Variants in PHF24 observed in about 807,000 individuals in gnomAD.
PHF24 encodes the protein PHD finger protein 24.
A neutral mutation model predicts 42.6 loss-of-function variants in PHF24; 25 were observed. The observed-to-expected ratio is 0.59, with a 90% CI of 0.43 to 0.82. The LOEUF is 0.82. Ranked by LOEUF, PHF24 falls within the 40% of genes least tolerant of loss-of-function variation. PHF24 has a pLI of 0.00. For synonymous variants in PHF24, 185 were observed against 204.8 expected (o/e 0.90, Z 0.83); for missense variants, 470 against 538.1 (o/e 0.87, Z 1.25).
chr9:34,909,876 C>T, the PHF24 span, among the ~76,000 whole-genome samples: 4 of 152,186 alleles, frequency 2.6e-5, no homozygotes, highest in African/African-American at 9.7e-5. Context: ...ATCTGCCCGC[C>T]TTAGCCTCCC....
the PHF24 span, among the ~76,000 whole-genome samples, chr9:34,688,103 A>G: frequency 6.6e-6 from 1 of 152,120 alleles, no homozygotes; most frequent in African/African-American, 2.4e-5. Context: ...AGAGGAGAGG[A>G]AGAGGATGTC....
the PHF24 span, among the ~76,000 whole-genome samples, chr9:34,879,789 CAGG>C: frequency 2.6e-5 from 4 of 152,246 alleles, no homozygotes; most frequent in East Asian, 7.7e-4. Context: ...GGATATTATC[CAGG>C]AGAACTTCCC....
the PHF24 span, among the ~76,000 whole-genome samples, chr9:34,681,838 T>G: frequency 9.8e-5 from 15 of 152,404 alleles, no homozygotes; most frequent in African/African-American, 3.1e-4. Flanking sequence ...AAAAAAAAGG[T>G]TAAATGAGGT....
chr9:34,899,951 A>G, the PHF24 span, among the ~76,000 whole-genome samples: 1 of 152,176 alleles, frequency 6.6e-6, no homozygotes, highest in Non-Finnish European at 1.5e-5. Context: ...CAACCTCTAT[A>G]TTAAATAAGT....
At chr9:34,739,235 C>G in the PHF24 span, among the ~76,000 whole-genome samples, 2 of 152,034 alleles carry the variant, frequency 1.3e-5, no homozygotes, top group African/African-American at 4.8e-5. Context: ...TTCACGTTGA[C>G]AAAAATAATA....
the PHF24 span, among the ~76,000 whole-genome samples, chr9:34,928,031 C>T: frequency 6.6e-6 from 1 of 152,032 alleles, no homozygotes; most frequent in Admixed American, 6.6e-5. Flanking sequence ...GCCTGGCCAA[C>T]ATGGTGAAAC....
chr9:34,768,482 AT>A, the PHF24 span, among the ~76,000 whole-genome samples: 1 of 152,092 alleles, frequency 6.6e-6, no homozygotes, highest in Non-Finnish European at 1.5e-5. Flanking sequence ...ACCTTGGGCA[AT>A]TTTTTTCCCT....
chr9:34,936,155 C>T, the PHF24 span, among the ~76,000 whole-genome samples: 2 of 152,048 alleles, frequency 1.3e-5, no homozygotes, highest in Non-Finnish European at 2.9e-5. Flanking sequence ...TCTCGGCTCA[C>T]TGCAACCTCC....
At chr9:34,819,839 T>TA in the PHF24 span, among the ~76,000 whole-genome samples, 3 of 152,208 alleles carry the variant, frequency 2.0e-5, no homozygotes, top group African/African-American at 7.2e-5. Flanking sequence ...ATTGTTCAAA[T>TA]CTTCTGTAAG....
chr9:34,689,795 G>A, the PHF24 span: 553 of 1,613,920 alleles, frequency 3.4e-4, 2 homozygotes, highest in African/African-American at 6.2e-3. This position sits in a 1 kb window ranked among gnomAD's most constrained non-coding sequence, Gnocchi z 4.1. Flanking sequence ...CTCGGACTCC[G>A]GGCTCCCTCT....
chr9:34,810,348 C>T, the PHF24 span, among the ~76,000 whole-genome samples: 1 of 152,150 alleles, frequency 6.6e-6, no homozygotes, highest in African/African-American at 2.4e-5. Flanking sequence ...TGCGGGGAAC[C>T]GCCGCCATGA....
At chr9:34,863,415 C>CAGAG in the PHF24 span, among the ~76,000 whole-genome samples, 1,196 of 147,048 alleles carry the variant, frequency 8.1e-3, 21 homozygotes, top group African/African-American at 0.028. Context: ...GCTGGCTCAT[C>CAGAG]AGAGAGAGAG....
At chr9:34,964,988 C>T (rs1156346432) in intron 1 of PHF24, among the ~76,000 whole-genome samples, 1 of 152,106 alleles carries the variant, frequency 6.6e-6, no homozygotes, top group Non-Finnish European at 1.5e-5. Context: ...CACCCACCAG[C>T]GAAAGAAGTA....
the PHF24 span, chr9:34,895,214 T>A: frequency 2.5e-6 from 1 of 397,096 alleles, no homozygotes; most frequent in Non-Finnish European, 4.4e-6. Flanking sequence ...CTATCTTTCC[T>A]TTCTGTATTC....
At chr9:34,764,983 G>C in the PHF24 span, among the ~76,000 whole-genome samples, 1 of 152,108 alleles carries the variant, frequency 6.6e-6, no homozygotes, top group Non-Finnish European at 1.5e-5. Flanking sequence ...GGAGCAGGTT[G>C]TTCAGTTTCC....
chr9:34,938,455 G>T, the PHF24 span, among the ~76,000 whole-genome samples: 266 of 152,330 alleles, frequency 1.7e-3, 2 homozygotes, highest in African/African-American at 6.2e-3. Context: ...AAGGGAAAAT[G>T]AAGCAAACAG....
chr9:34,951,347 T>C, the PHF24 span, among the ~76,000 whole-genome samples: 1 of 152,292 alleles, frequency 6.6e-6, no homozygotes, highest in African/African-American at 2.4e-5. Context: ...AAAGGGGTCT[T>C]TGCAGATATG....
the PHF24 span, among the ~76,000 whole-genome samples, chr9:34,703,492 A>C: frequency 7.9e-5 from 12 of 152,024 alleles, no homozygotes; most frequent in African/African-American, 2.7e-4. Flanking sequence ...TTTTAAAAGA[A>C]AGGTATCAAA....
At chr9:34,867,254 T>G in the PHF24 span, among the ~76,000 whole-genome samples, 3 of 152,240 alleles carry the variant, frequency 2.0e-5, no homozygotes, top group African/African-American at 7.2e-5. Flanking sequence ...TTCTCTGCAC[T>G]AGGTCCCTGA....
Sources: gnomAD v4.1 joint callset for allele counts (sites outside exome capture counted in the v4.1 genomes callset) on GRCh38, gnomAD v4.1.1 for gene constraint, Gnocchi (gnomAD v3.1) non-coding constraint, MANE v1.5 for transcripts, NCBI Gene and HGNC (gene_info 2026-07-23, HGNC 2026-07-21) for gene names.